The following ABCA3 variants were observed in gnomAD, a reference collection of about 807,000 sequenced individuals.
ABCA3 encodes the protein ATP binding cassette subfamily A member 3.
A neutral mutation model predicts 172.8 loss-of-function variants in ABCA3; 88 were observed. That is an observed-to-expected ratio of 0.51 (90% CI 0.43 to 0.61). ABCA3 has a LOEUF of 0.61. ABCA3 is among the 20% of genes least tolerant of loss of function. ABCA3 has a pLI of 0.00. For missense variants in ABCA3, 2,164 were observed against 2,301.0 expected, an observed-to-expected ratio of 0.94 and a Z score of 1.22; for synonymous variants, 1,066 against 983.8, an observed-to-expected ratio of 1.08 and a Z score of -1.56.
intron 26 of ABCA3, among the ~76,000 whole-genome samples, chr16:2,282,129 C>A (rs572236874): frequency 6.6e-6 from 1 of 152,070 alleles, no homozygotes; most frequent in African/African-American, 2.4e-5. Flanking sequence ...GAGATGGGGT[C>A]TTGCTCTGTC....
At chr16:2,300,741 G>A (rs531612511) in intron 12 of ABCA3, among the ~76,000 whole-genome samples, 11 of 152,338 alleles carry the variant, frequency 7.2e-5, no homozygotes, top group African/African-American at 2.6e-4. Context: ...TCGACACAGT[G>A]GTGCGGGCAG....
At chr16:2,310,044 A>G (rs978228756) in intron 10 of ABCA3, among the ~76,000 whole-genome samples, 1 of 152,192 alleles carries the variant, frequency 6.6e-6, no homozygotes, top group Admixed American at 6.6e-5. Context: ...AATACTAAGA[A>G]CATTTAAAAA....
rs1442032922 is a variant in ABCA3 at position 2,276,336 on chromosome 16, A to G, written c.*338T>C. 6.1e-6 allele frequency: 3 copies of G among 490,422 alleles called. No homozygotes were observed. Among genetic ancestry groups the G allele is most frequent in the Non-Finnish European group, 1.2e-5 (3 of 249,820 alleles). The allele number at this position is 490,422 out of a possible 1,614,324, so 30.4% of individuals were successfully genotyped here. ...AAGTCACTGGGTCCTCTCTCCAGGG[A>G]GTGCCTGGAGAAATTCAACCCCCAG... On this transcript the variant is annotated 3_prime_UTR_variant, in exon 33 of 33. Coordinates refer to ENST00000301732, the MANE Select transcript of ABCA3 (RefSeq NM_001089.3).
intron 20 of ABCA3, 35 bp from the exon 21 acceptor site, chr16:2,288,364 G>A (rs368411197): frequency 5.5e-5 from 84 of 1,531,602 alleles, no homozygotes; most frequent in South Asian, 9.6e-5. Context: ...CACCGGCACC[G>A]CTTGGGGCCC....
chr16:2,333,992 G>A (rs1175931176), intron 1 of ABCA3, among the ~76,000 whole-genome samples: 4 of 152,094 alleles, frequency 2.6e-5, no homozygotes, highest in African/African-American at 7.2e-5. Context: ...ACGCCTGGCC[G>A]ATGATAACAT....
Position 2,292,222 on chromosome 16 carries a change from CAA to C in ABCA3, c.2429_2430del (p.Phe810CysfsTer2). On this transcript the variant is annotated frameshift_variant, in exon 19 of 33. Transcript: ENST00000301732. LOFTEE classifies it high-confidence loss of function. ...TCTTTCTGCTTCTTCTCCAGTTTAGCAAAGAGACCTTCAAACCTGAAAAACAG... is the reference window on the plus strand; with the variant it reads ...TCTTTCTGCTTCTTCTCCAGTTTAGCAGAGACCTTCAAACCTGAAAAACAG... ...RESTHRFEGL[F>X]AKLEKKQKEL... 3 of 1,613,754 alleles carry C rather than the reference CAA, an allele frequency of 1.9e-6. No homozygotes were observed. The highest frequency in any genetic ancestry group is 2.5e-6 in the Non-Finnish European group (3 of 1,179,824).
At chr16:2,309,774 C>T (rs1050128015) in intron 10 of ABCA3, among the ~76,000 whole-genome samples, 1 of 152,088 alleles carries the variant, frequency 6.6e-6, no homozygotes, top group Non-Finnish European at 1.5e-5. Flanking sequence ...CACGCAGTAC[C>T]ATGCCTAGCT....
At position 2,283,623 on chromosome 16, in the gene ABCA3, T is replaced by G. The variant is rs113396700; in HGVS notation, c.3863-265A>C. 18 of 482,898 alleles carry G rather than the reference T, an allele frequency of 3.7e-5. 1 individual carries two copies. The highest frequency in any genetic ancestry group is 2.0e-4 in the Admixed American group (6 of 29,874). 29.9% of individuals were successfully genotyped at this position (482,898 alleles called of 1,614,324 possible). On this transcript the variant is annotated intron_variant, in intron 25 of 32. Transcript: ENST00000301732. The surrounding 1 kb of genome is among the most constrained non-coding windows in gnomAD (Gnocchi z 5.4). The stretch of plus-strand genomic sequence containing the variant: ...AACAGCCCGCCTGAGAGGCACAGGC[T>G]CTGCGTGAATCCTGGGCTGCCTCCT...
intron 10 of ABCA3, among the ~76,000 whole-genome samples, chr16:2,310,329 A>T (rs1203719952): frequency 6.6e-6 from 1 of 151,372 alleles, no homozygotes; most frequent in Non-Finnish European, 1.5e-5. Flanking sequence ...CATCGCTTGA[A>T]CCCGGGAGGT....
Position 2,293,628 on chromosome 16 carries a change from C to T in ABCA3, c.2415-1390G>A, listed in dbSNP as rs565763855. ...TCTTGGCTCACTGCAAGATCTGCCTCCCGGCTTCATGCCATTCTCTTGCCT... is the reference window on the plus strand; with the variant it reads ...TCTTGGCTCACTGCAAGATCTGCCTTCCGGCTTCATGCCATTCTCTTGCCT... On this transcript the variant is annotated intron_variant, in intron 18 of 32. Coordinates refer to ENST00000301732, the MANE Select transcript of ABCA3 (RefSeq NM_001089.3). Among the ~76,000 whole-genome samples, 5 of 151,642 alleles carry T rather than the reference C, an allele frequency of 3.3e-5. No homozygotes were observed. The East Asian group carries it at 9.8e-4, about 30-fold the overall frequency.
Position 2,277,696 on chromosome 16 carries a change from T to C in ABCA3, c.4910-26A>G. On this transcript the variant is annotated intron_variant, in intron 31 of 32. Coordinates refer to ENST00000301732, the MANE Select transcript of ABCA3 (RefSeq NM_001089.3). This position sits in a 1 kb window ranked among gnomAD's most constrained non-coding sequence, Gnocchi z 5.3. ...CTGCACAAAGGAGAGACGGTGTTGC[T>C]GTGAGCGCCGGGCTGGAGGATCGGG... is the stretch of plus-strand genomic sequence containing the variant. 6.2e-7 allele frequency: 1 copy of C among 1,612,844 alleles called. No homozygotes were observed. The highest frequency in any genetic ancestry group is 8.5e-7 in the Non-Finnish European group (1 of 1,179,846).
chr16:2,289,360 G>A, intron 20 of ABCA3, 74 bp downstream of exon 20: 1 of 1,521,938 alleles, frequency 6.6e-7, no homozygotes, highest in Non-Finnish European at 8.8e-7. Flanking sequence ...ACTCTCCTCT[G>A]CATGGGCTTA....
chr16:2,317,896 C>CGAATGCA, intron 8 of ABCA3, 132 bp from the exon 9 acceptor site: 3 of 771,948 alleles, frequency 3.9e-6, no homozygotes, highest in Non-Finnish European at 6.6e-6. Flanking sequence ...CTTACTATGT[C>CGAATGCA]GGCCAGGCTC....
chr16:2,289,961 TCACACACACACACACA>T (rs3138606), intron 19 of ABCA3, among the ~76,000 whole-genome samples: 4 of 138,210 alleles, frequency 2.9e-5, no homozygotes, highest in Non-Finnish European at 4.6e-5. Context: ...GTGAATTACA[TCACACACACACACACA>T]CACACACACA....
At position 2,285,707 on chromosome 16, in the gene ABCA3, G is replaced by T; in HGVS notation, c.3279-61C>A. 1 of 1,524,880 alleles carries T rather than the reference G, an allele frequency of 6.6e-7. No individual in the cohort carries two copies. The highest frequency in any genetic ancestry group is 1.2e-5 in the South Asian group (1 of 83,306). The allele number at this position is 1,524,880 out of a possible 1,614,324, so 94.5% of individuals were successfully genotyped here. A position where few individuals can be genotyped will look rare whatever the true frequency, so the allele number is the denominator to read the frequency against. ...GCACGTCTGGGTGGCAGGAGAGGTC[G>T]GGTTCTCGGTTATGACCGCCCAAGG... is the stretch of plus-strand genomic sequence containing the variant. On this transcript the variant is annotated intron_variant, in intron 22 of 32. Coordinates refer to ENST00000301732, the MANE Select transcript of ABCA3 (RefSeq NM_001089.3). This position sits in a 1 kb window ranked among gnomAD's most constrained non-coding sequence, Gnocchi z 4.7.
chr16:2,297,566 C>G lies in ABCA3; in HGVS notation c.2053-27G>C. 1 of 1,609,904 alleles carries G rather than the reference C, an allele frequency of 6.2e-7. No homozygotes were observed. Among genetic ancestry groups the G allele is most frequent in the Non-Finnish European group, 8.5e-7 (1 of 1,179,402 alleles). On this transcript the variant is annotated intron_variant, in intron 16 of 32. Transcript: ENST00000301732. The surrounding 1 kb of genome is among the most constrained non-coding windows in gnomAD (Gnocchi z 5.6). ...TGGAGGGAGAGACACAGTCTCGCGA[C>G]GCTGGTAGAGCCACACCCCGGGCCC...
Position 2,278,249 on chromosome 16 carries a change from G to A in ABCA3, c.4718+39C>T. 6.2e-7 allele frequency: 1 copy of A among 1,603,494 alleles called. No individual in the cohort carries two copies. The highest frequency in any genetic ancestry group is 8.5e-7 in the Non-Finnish European group (1 of 1,179,922). On this transcript the variant is annotated intron_variant, in intron 30 of 32. Transcript: ENST00000301732. This position sits in a 1 kb window ranked among gnomAD's most constrained non-coding sequence, Gnocchi z 4.4. ...ACCTGGCTCCTCCATGGCCCACCCG[G>A]TGCTGAAACTTCCAGTAACCCACAG...
At chr16:2,290,029 G>T (rs1261348631) in intron 19 of ABCA3, among the ~76,000 whole-genome samples, 1 of 148,430 alleles carries the variant, frequency 6.7e-6, no homozygotes, top group East Asian at 2.0e-4. Flanking sequence ...CCGCCGATTA[G>T]GAAACACAAC....
chr16:2,295,115 T>C (rs1211772816), intron 18 of ABCA3, among the ~76,000 whole-genome samples: 1 of 152,184 alleles, frequency 6.6e-6, no homozygotes, highest in Non-Finnish European at 1.5e-5. Flanking sequence ...GACTGATAGA[T>C]AGTGTCATGG....
Sources: gnomAD v4.1 joint callset for allele counts (sites outside exome capture counted in the v4.1 genomes callset) on GRCh38, gnomAD v4.1.1 for gene constraint, Gnocchi (gnomAD v3.1) non-coding constraint, MANE v1.5 for transcripts, NCBI Gene and HGNC (gene_info 2026-07-23, HGNC 2026-07-21) for gene names.